DYNC2H1: variants seen among roughly 807,000 people sequenced by gnomAD.
DYNC2H1 encodes the protein cytoplasmic dynein 2 heavy chain 1.
A neutral mutation model predicts 570.0 loss-of-function variants in DYNC2H1; 410 were observed. That is an observed-to-expected ratio of 0.72 (90% CI 0.66 to 0.78). The LOEUF is 0.78. DYNC2H1 is among the 30% of genes least tolerant of loss of function. DYNC2H1 has a pLI of 0.00. For missense variants in DYNC2H1, 4,865 were observed against 5,046.4 expected (o/e 0.96, Z 1.09); for synonymous variants, 1,688 against 1,677.6 (o/e 1.01, Z -0.15).
intron 83 of DYNC2H1, among the ~76,000 whole-genome samples, chr11:103,387,131 C>T (rs9795044): frequency 0.18 from 27,744 of 151,994 alleles, 2,724 homozygotes; most frequent in Admixed American, 0.26. Flanking sequence ...TGTAAAAGTG[C>T]TCCTATTTCT....
chr11:103,193,258 A>G (rs1274337622), intron 47 of DYNC2H1, among the ~76,000 whole-genome samples: 2 of 152,170 alleles, frequency 1.3e-5, no homozygotes, highest in Non-Finnish European at 2.9e-5. Context: ...GTGAGGGTTT[A>G]TGTCATTATG....
chr11:103,441,972 G>T lies in DYNC2H1; in HGVS notation c.12456+5940G>T, dbSNP rs555768502. Among the ~76,000 whole-genome samples, 55 of 152,142 alleles carry T rather than the reference G, an allele frequency of 3.6e-4. 1 individual carries two copies. The highest frequency in any genetic ancestry group is 7.5e-4 in the Non-Finnish European group (51 of 67,968). ...AGTAACTTTCCTAGTCCTTGGTACG[G>T]TGTTTCACACACAGCAAGTACTCAG... is the stretch of plus-strand genomic sequence containing the variant. On this transcript the variant is annotated intron_variant, in intron 85 of 88. Transcript: ENST00000375735.
At chr11:103,194,093 C>T (rs1862422530) in intron 47 of DYNC2H1, among the ~76,000 whole-genome samples, 1 of 152,162 alleles carries the variant, frequency 6.6e-6, no homozygotes, top group Non-Finnish European at 1.5e-5. Context: ...TATAGCACCA[C>T]AGGATCTATA....
intron 87 of DYNC2H1, 30 bp downstream of exon 87, chr11:103,456,386 T>C: frequency 1.3e-6 from 2 of 1,532,956 alleles, no homozygotes; most frequent in South Asian, 1.2e-5. Context: ...TCTTGGAATC[T>C]CAGCCTTATC....
At chr11:103,437,324 G>A (rs1425391429) in intron 85 of DYNC2H1, among the ~76,000 whole-genome samples, 1 of 152,064 alleles carries the variant, frequency 6.6e-6, no homozygotes, top group Admixed American at 6.6e-5. Flanking sequence ...GATTCTGTCT[G>A]TTCTCCTCTC....
intron 85 of DYNC2H1, among the ~76,000 whole-genome samples, chr11:103,451,382 G>T (rs193248009): frequency 7.4e-6 from 1 of 135,012 alleles, no homozygotes. Flanking sequence ...CACCAGGCTG[G>T]AGTGCAGTGG....
chr11:103,124,234 C>T (rs1858869475), intron 11 of DYNC2H1, among the ~76,000 whole-genome samples: 1 of 151,714 alleles, frequency 6.6e-6, no homozygotes, highest in Non-Finnish European at 1.5e-5. Flanking sequence ...ATCACTTGAA[C>T]CCAGGAGTTT....
intron 82 of DYNC2H1, among the ~76,000 whole-genome samples, chr11:103,348,950 G>C (rs1369207810): frequency 1.3e-5 from 2 of 152,244 alleles, no homozygotes; most frequent in African/African-American, 4.8e-5. Flanking sequence ...TACTCCATGT[G>C]AAGAAGGACA....
chr11:103,390,455 T>G (rs1942093868), intron 83 of DYNC2H1, among the ~76,000 whole-genome samples: 1 of 152,120 alleles, frequency 6.6e-6, no homozygotes, highest in Admixed American at 6.5e-5. Flanking sequence ...TTATCCAATT[T>G]ACCAGTCTGT....
chr11:103,216,347 C>T (rs192857349), intron 55 of DYNC2H1, among the ~76,000 whole-genome samples: 1 of 152,286 alleles, frequency 6.6e-6, no homozygotes, highest in East Asian at 1.9e-4. Context: ...GGAGATTTCT[C>T]TGAGTTCCTT....
chr11:103,179,390 T>A (rs926185207), intron 39 of DYNC2H1, among the ~76,000 whole-genome samples, 157 bp downstream of exon 39: 2 of 151,946 alleles, frequency 1.3e-5, no homozygotes, highest in African/African-American at 4.8e-5. Context: ...TTCAGAGAGT[T>A]CCTGTTTTAT....
chr11:103,313,296 C>T (rs1241411608), intron 79 of DYNC2H1, among the ~76,000 whole-genome samples: 2 of 152,136 alleles, frequency 1.3e-5, no homozygotes, highest in Non-Finnish European at 2.9e-5. Context: ...TCTTTCTCAC[C>T]AAAGGCTCTC....
chr11:103,309,255 G>A (rs1867458100), intron 78 of DYNC2H1, among the ~76,000 whole-genome samples: 1 of 139,446 alleles, frequency 7.2e-6, no homozygotes, highest in African/African-American at 2.7e-5. Flanking sequence ...GCTCACTGCA[G>A]TCTCGACCTG....
intron 84 of DYNC2H1, 118 bp from the exon 85 acceptor site, chr11:103,435,821 TAATG>T: frequency 1.3e-6 from 1 of 759,496 alleles, no homozygotes; most frequent in Non-Finnish European, 2.2e-6. Flanking sequence ...AGATCAAACT[TAATG>T]AATTTCATAT....
intron 73 of DYNC2H1, among the ~76,000 whole-genome samples, chr11:103,283,445 T>C (rs983728642): frequency 6.6e-6 from 1 of 152,138 alleles, no homozygotes; most frequent in African/African-American, 2.4e-5. Context: ...ATGTTGTTTT[T>C]GTGGGGAATG....
intron 78 of DYNC2H1, among the ~76,000 whole-genome samples, chr11:103,309,610 GA>G (rs1036386400): frequency 1.3e-4 from 19 of 151,390 alleles, no homozygotes; most frequent in Admixed American, 1.3e-4. Flanking sequence ...TTTAATATTA[GA>G]AATATTTTAA....
chr11:103,356,855 A>G (rs1194365276), intron 82 of DYNC2H1, among the ~76,000 whole-genome samples: 2 of 152,118 alleles, frequency 1.3e-5, no homozygotes, highest in African/African-American at 4.8e-5. Context: ...AACTTTACCA[A>G]TGTAAGAACC....
chr11:103,478,232 A>G (rs923810633), intron 88 of DYNC2H1, among the ~76,000 whole-genome samples: 7 of 152,224 alleles, frequency 4.6e-5, no homozygotes, highest in African/African-American at 1.4e-4. Flanking sequence ...CTGTTTTGAA[A>G]ACACATAAAG....
At chr11:103,342,126 T>C (rs1939470503) in intron 82 of DYNC2H1, among the ~76,000 whole-genome samples, 1 of 152,116 alleles carries the variant, frequency 6.6e-6, no homozygotes, top group Admixed American at 6.5e-5. Context: ...CTGGACTTCC[T>C]GGGTTGAGTG....
Sources: allele counts gnomAD v4.1 joint callset (sites outside exome capture counted in the v4.1 genomes callset), GRCh38; gene constraint gnomAD v4.1.1; transcripts MANE v1.5; gene names NCBI Gene and HGNC (gene_info 2026-07-23, HGNC 2026-07-21).